Variants in MMP16 observed in about 807,000 individuals in gnomAD.
MMP16 encodes matrix metalloproteinase-16.
MMP16 carries 12 observed loss-of-function variants against 67.8 expected under a neutral mutation model. That is an observed-to-expected ratio of 0.18 (90% confidence interval 0.11 to 0.29). The LOEUF (loss-of-function observed/expected upper bound fraction) is 0.29. Among genes scored for constraint, MMP16 ranks in the 10% least tolerant of loss-of-function variants. The pLI is 1.00. For missense variants in MMP16, 475 were observed against 765.7 expected (o/e 0.62, Z 4.48); for synonymous variants, 249 against 255.9 (o/e 0.97, Z 0.26).
chr8:88,060,011 C>T, intron 7 of MMP16, among the ~76,000 whole-genome samples: 1 of 151,568 alleles, frequency 6.6e-6, no homozygotes, highest in East Asian at 1.9e-4. Flanking sequence ...ATACAAGGAG[C>T]AAAGCTATGA....
At chr8:88,284,021 T>C (rs989518637) in intron 1 of MMP16, among the ~76,000 whole-genome samples, 1 of 152,240 alleles carries the variant, frequency 6.6e-6, no homozygotes, top group Non-Finnish European at 1.5e-5. Context: ...TGACCTTTCA[T>C]GAATTGTTTG....
chr8:88,119,213 G>A (rs749354407), intron 4 of MMP16, among the ~76,000 whole-genome samples: 2 of 151,988 alleles, frequency 1.3e-5, no homozygotes, highest in Non-Finnish European at 2.9e-5. Context: ...ACTTTTATAT[G>A]TCTCACATTT....
intron 6 of MMP16, among the ~76,000 whole-genome samples, chr8:88,084,754 A>C (rs1808806324): frequency 6.6e-6 from 1 of 152,038 alleles, no homozygotes; most frequent in African/African-American, 2.4e-5. Flanking sequence ...TTTCTTAGTA[A>C]AAAGTTAAAA....
At chr8:88,304,857 AGACCAGT>A (rs2130051998) in intron 1 of MMP16, among the ~76,000 whole-genome samples, 1 of 152,358 alleles carries the variant, frequency 6.6e-6, no homozygotes, top group African/African-American at 2.4e-5. Flanking sequence ...TAAAGTATAT[AGACCAGT>A]GACACTATAA....
chr8:88,188,120 A>C (rs1462304413), intron 2 of MMP16, among the ~76,000 whole-genome samples: 1 of 152,184 alleles, frequency 6.6e-6, no homozygotes, highest in Non-Finnish European at 1.5e-5. Context: ...ATCTTGCACA[A>C]CTGGAATAGG....
At chr8:88,170,556 A>G (rs1808783098) in intron 3 of MMP16, among the ~76,000 whole-genome samples, 1 of 152,196 alleles carries the variant, frequency 6.6e-6, no homozygotes, top group South Asian at 2.1e-4. Flanking sequence ...CTTACTACAT[A>G]ATTGGCACTG....
intron 6 of MMP16, among the ~76,000 whole-genome samples, chr8:88,105,838 C>T (rs1323595825): frequency 6.6e-6 from 1 of 150,640 alleles, no homozygotes; most frequent in African/African-American, 2.4e-5. Flanking sequence ...AACAAATTTT[C>T]CTTGATTAAA....
chr8:88,093,225 T>C (rs1016868065), intron 6 of MMP16, among the ~76,000 whole-genome samples: 9 of 151,842 alleles, frequency 5.9e-5, no homozygotes, highest in African/African-American at 1.7e-4. Flanking sequence ...CAAAAAATGA[T>C]TGCTCTAGGG....
chr8:88,125,931 G>A (rs967851230), intron 4 of MMP16, among the ~76,000 whole-genome samples: 5 of 151,704 alleles, frequency 3.3e-5, no homozygotes, highest in African/African-American at 1.2e-4. Context: ...CAACTTCACT[G>A]ACTGCTTTAA....
At chr8:88,113,352 A>G (rs1809372866) in intron 6 of MMP16, among the ~76,000 whole-genome samples, 1 of 151,818 alleles carries the variant, frequency 6.6e-6, no homozygotes, top group Non-Finnish European at 1.5e-5. Context: ...CAGACATTAA[A>G]ATTTAGGAGA....
chr8:88,230,589 G>T (rs1809843163), intron 1 of MMP16, among the ~76,000 whole-genome samples: 1 of 147,754 alleles, frequency 6.8e-6, no homozygotes, highest in Admixed American at 6.8e-5. Context: ...CAAAAAATAA[G>T]TCTCCCCATA....
intron 6 of MMP16, among the ~76,000 whole-genome samples, chr8:88,087,656 T>C (rs1371543172): frequency 2.0e-5 from 3 of 151,490 alleles, no homozygotes; most frequent in African/African-American, 4.9e-5. Context: ...AGGAATATGA[T>C]ATTGAGGCCC....
intron 6 of MMP16, among the ~76,000 whole-genome samples, chr8:88,086,095 A>C (rs1031341359): frequency 6.6e-6 from 1 of 151,842 alleles, no homozygotes; most frequent in Non-Finnish European, 1.5e-5. Context: ...TCTAGCATAG[A>C]AAGAGCGAGC....
At chr8:88,165,871 T>C (rs1434735616) in intron 4 of MMP16, among the ~76,000 whole-genome samples, 2 of 152,156 alleles carry the variant, frequency 1.3e-5, no homozygotes, top group East Asian at 1.9e-4. Flanking sequence ...CCAAAGTTTT[T>C]GGCTTTTCAT....
intron 6 of MMP16, among the ~76,000 whole-genome samples, chr8:88,094,845 T>G (rs1396755416): frequency 1.3e-5 from 2 of 151,998 alleles, no homozygotes; most frequent in Middle Eastern, 6.8e-3. Context: ...CTGTGTGTTA[T>G]GTAAAGCCTG....
At position 88,158,021 on chromosome 8, in the gene MMP16, A is replaced by G. The variant is rs991213177; in HGVS notation, c.709+9648T>C. The stretch of plus-strand genomic sequence containing the variant: ...TGAACTCATCATTTTTTATGGCTGC[A>G]TAGTATTCCATGGTGTATAGGTGCC... On this transcript the variant is annotated intron_variant, in intron 4 of 9. Transcript: ENST00000286614. 3.3e-5 allele frequency among the ~76,000 whole-genome samples: 5 copies of G among 152,268 alleles called. 1 individual carries two copies. Among genetic ancestry groups the G allele is most frequent in the Admixed American group, 6.5e-5 (1 of 15,290 alleles).
rs2118174217 is a variant in MMP16 at position 88,037,634 on chromosome 8, T to A, written c.*3827A>T. 6.6e-6 allele frequency: 1 copy of A among 152,128 alleles called. No individual in the cohort carries two copies. The highest frequency in any genetic ancestry group is 1.9e-4 in the East Asian group (1 of 5,174). 9.4% of individuals were successfully genotyped at this position (152,128 alleles called of 1,614,324 possible). A position where few individuals can be genotyped will look rare whatever the true frequency, so the allele number is the denominator to read the frequency against. On this transcript the variant is annotated 3_prime_UTR_variant, in exon 10 of 10. Coordinates refer to ENST00000286614, the MANE Select transcript of MMP16 (RefSeq NM_005941.5). ...CTCTGACTGCCATGTCAACAGACAC[T>A]GTTCTGAAATGAGTCAATAAATTCA... is the stretch of plus-strand genomic sequence containing the variant.
intron 7 of MMP16, among the ~76,000 whole-genome samples, chr8:88,074,141 G>A (rs1808606712): frequency 6.6e-6 from 1 of 152,026 alleles, no homozygotes; most frequent in African/African-American, 2.4e-5. Context: ...ACTGATAATT[G>A]GATAATTCTA....
intron 4 of MMP16, among the ~76,000 whole-genome samples, chr8:88,140,523 CA>C (rs1808196075): frequency 1.3e-5 from 2 of 152,082 alleles, no homozygotes; most frequent in Admixed American, 1.3e-4. Flanking sequence ...AGAAGCACCA[CA>C]ACAGCCACAT....
Sources: allele counts gnomAD v4.1 joint callset (sites outside exome capture counted in the v4.1 genomes callset), GRCh38; gene constraint gnomAD v4.1.1; transcripts MANE v1.5; gene names NCBI Gene and HGNC (gene_info 2026-07-23, HGNC 2026-07-21).